The following ZNF638 variants were observed in gnomAD, a reference collection of about 807,000 sequenced individuals.
ZNF638 encodes CTCL tumor antigen se33-1.
ZNF638 carries 46 observed loss-of-function variants against 195.6 expected under a neutral mutation model. That is an observed-to-expected ratio of 0.24 (90% CI 0.19 to 0.30). The LOEUF is 0.30. ZNF638 is among the 10% of genes least tolerant of loss of function. The probability of loss-of-function intolerance (pLI) is 1.00; values close to 1 mark genes in which losing one functional copy is unlikely to be tolerated. For missense variants in ZNF638, 2,440 were observed against 2,325.3 expected (o/e 1.05, Z -1.01); for synonymous variants, 845 against 772.0 (o/e 1.09, Z -1.57).
chr2:71,424,151 C>T (rs1040908670), intron 22 of ZNF638, 113 bp downstream of exon 22: 5 of 1,371,200 alleles, frequency 3.6e-6, no homozygotes, highest in East Asian at 2.5e-5. Context: ...CCTCACTCTA[C>T]CCCGGAAGCT....
rs142672280 is a variant in ZNF638, at chr2:71,354,691, C to G, written c.1318-1028C>G. On this transcript the variant is annotated intron_variant, in intron 2 of 27. Transcript: ENST00000264447. ...GGTGGAGAGTGCAGTGATCCGAGAT[C>G]GCCTCATTGCACTCCAGCCTAGGCA... 2.4e-3 allele frequency among the ~76,000 whole-genome samples: 358 copies of G among 149,592 alleles called. 1 individual carries two copies. The highest frequency in any genetic ancestry group is 8.5e-3 in the African/African-American group (345 of 40,516).
At chr2:71,425,144 A>T (rs1341512321) in intron 23 of ZNF638, among the ~76,000 whole-genome samples, 3 of 152,122 alleles carry the variant, frequency 2.0e-5, no homozygotes. Context: ...TCTAAGATTA[A>T]CTTTACTGGT....
rs775543693 is a variant in ZNF638, at chr2:71,398,716, C to G, written c.2444C>G (p.Ser815Cys). 4 of 1,613,144 alleles carry G rather than the reference C, an allele frequency of 2.5e-6. No individual in the cohort carries two copies. In the African/African-American group the frequency reaches 4.0e-5, roughly 16 times the overall value. Residue 815 changes from serine to cysteine, a missense_variant, in exon 12 of 28, where the codon TCT becomes TGT. Transcript: ENST00000264447. Reference sequence around the variant, plus strand: ...TGTGATTTAGGGAAATCAGCAAGTTCTGTAAAATCTGTGGTAACGGTAGCT... The same window carrying G: ...TGTGATTTAGGGAAATCAGCAAGTTGTGTAAAATCTGTGGTAACGGTAGCT... ...VNKSTGKSAS[S>C]VKSVVTVAVK...
At chr2:71,340,392 C>A (rs746174198) in intron 1 of ZNF638, among the ~76,000 whole-genome samples, 1 of 152,122 alleles carries the variant, frequency 6.6e-6, no homozygotes, top group African/African-American at 2.4e-5. Flanking sequence ...GCTTTATCTG[C>A]GTGGTAGGAG....
At chr2:71,402,206 G>T in intron 16 of ZNF638, 119 bp downstream of exon 16, 1 of 1,055,562 alleles carries the variant, frequency 9.5e-7, no homozygotes, top group East Asian at 2.8e-5. Context: ...AAACTTTCAA[G>T]CTAAGGGATT....
chr2:71,382,272 A>G (rs1427214379), intron 10 of ZNF638, among the ~76,000 whole-genome samples: 2 of 152,198 alleles, frequency 1.3e-5, no homozygotes, highest in South Asian at 2.1e-4. Flanking sequence ...TTAGTCAGCC[A>G]ATCATATGGC....
chr2:71,382,211 T>G (rs766480344), intron 10 of ZNF638, among the ~76,000 whole-genome samples: 6 of 152,154 alleles, frequency 3.9e-5, no homozygotes, highest in African/African-American at 7.2e-5. Context: ...GGTCCTTAGA[T>G]TTCAACATTA....
chr2:71,344,317 T>C (rs2078815699), intron 1 of ZNF638, among the ~76,000 whole-genome samples: 1 of 152,212 alleles, frequency 6.6e-6, no homozygotes, highest in African/African-American at 2.4e-5. Flanking sequence ...CAGTGGATGC[T>C]GAAAATACAG....
intron 1 of ZNF638, among the ~76,000 whole-genome samples, chr2:71,342,384 C>T (rs1226210261): frequency 6.6e-6 from 1 of 151,998 alleles, no homozygotes; most frequent in Non-Finnish European, 1.5e-5. Context: ...TCTACCACCA[C>T]CACCGCCCCT....
Position 71,350,174 on chromosome 2 carries a change from T to G in ZNF638, c.1220T>G (p.Leu407Arg). The G allele has an allele frequency of 6.2e-7, 1 of 1,612,954 alleles. No homozygotes were observed. Among genetic ancestry groups the G allele is most frequent in the Non-Finnish European group, 8.5e-7 (1 of 1,180,032 alleles). The change falls in exon 2 of 28, where the codon CTT (leucine) becomes CGT (arginine). Residue 407 changes from leucine (L) to arginine (R), a missense_variant. Leu to Arg is a moderately radical substitution (Grantham distance 102). Coordinates refer to ENST00000264447, the MANE Select transcript of ZNF638 (RefSeq NM_014497.5). ...GCTGATGCCCAGAAGATGAAGAGAC[T>G]TCCAACTCCTTCTATGATGAATGAT... The part of the protein sequence containing the change: ...SHADAQKMKR[L>R]PTPSMMNDYY...
intron 23 of ZNF638, among the ~76,000 whole-genome samples, chr2:71,425,751 C>CCT (rs1481383219): frequency 6.6e-6 from 1 of 152,066 alleles, no homozygotes; most frequent in East Asian, 1.9e-4. Context: ...CTCACTGCAA[C>CCT]CTCTGCCTCC....
chr2:71,353,828 A>G (rs1251030966), intron 2 of ZNF638, among the ~76,000 whole-genome samples: 1 of 152,238 alleles, frequency 6.6e-6, no homozygotes, highest in African/African-American at 2.4e-5. Context: ...AATCATGCCC[A>G]ACCCACTGCC....
chr2:71,424,030 A>G lies in ZNF638; in HGVS notation c.4516A>G (p.Asn1506Asp), dbSNP rs1034595371. Residue 1506 changes from asparagine (N) to aspartate (D), a missense_variant, in exon 22 of 28, where the codon AAC becomes GAC. By Grantham distance (23) the Asn-to-Asp change is conservative. Transcript: ENST00000264447. ...RPSIMKRDDS[N>D]NKTLAEQNTK... ...TTCCATCATGAAACGGGATGACAGCAACAATAAGGTGAGGAGGGTAGGAAG... is the reference window on the plus strand; with the variant it reads ...TTCCATCATGAAACGGGATGACAGCGACAATAAGGTGAGGAGGGTAGGAAG... 7.4e-6 allele frequency: 12 copies of G among 1,613,220 alleles called. No individual in the cohort carries two copies. Among genetic ancestry groups the G allele is most frequent in the Non-Finnish European group, 1.0e-5 (12 of 1,179,524 alleles).
At chr2:71,354,367 T>G (rs1434716362) in intron 2 of ZNF638, among the ~76,000 whole-genome samples, 1 of 150,842 alleles carries the variant, frequency 6.6e-6, no homozygotes, top group Non-Finnish European at 1.5e-5. Context: ...TAACCAGATG[T>G]ATCTTCCAGA....
intron 26 of ZNF638, among the ~76,000 whole-genome samples, chr2:71,432,472 A>G (rs1383282429): frequency 6.6e-6 from 1 of 152,182 alleles, no homozygotes; most frequent in Non-Finnish European, 1.5e-5. Flanking sequence ...AAGTGCTGGG[A>G]TTATAGGCTT....
intron 3 of ZNF638, 89 bp downstream of exon 3, chr2:71,355,869 A>G (rs1416784169): frequency 1.6e-5 from 10 of 615,198 alleles, no homozygotes; most frequent in Non-Finnish European, 2.6e-5. Context: ...TTAGTATAAT[A>G]CTTTGGAGAA....
At chr2:71,331,982 C>G (rs1385281982) in intron 1 of ZNF638, 107 bp downstream of exon 1, 3 of 955,638 alleles carry the variant, frequency 3.1e-6, no homozygotes, top group Non-Finnish European at 3.7e-6. Context: ...GTATCTGTGT[C>G]GCAGCGGCTC....
intron 25 of ZNF638, 93 bp from the exon 26 acceptor site, chr2:71,431,234 C>T (rs13383758): frequency 0.087 from 96,625 of 1,110,840 alleles, 4,682 homozygotes; most frequent in East Asian, 0.16. Flanking sequence ...GGAGGTTTTC[C>T]CTGAGAAAGA....
At chr2:71,373,820 A>G (rs914452268) in intron 8 of ZNF638, 1 of 151,560 alleles carries the variant, frequency 6.6e-6, no homozygotes, top group Non-Finnish European at 1.5e-5. Context: ...GGAGGTTCTG[A>G]GGACATGTTC....
Sources: gnomAD v4.1 joint callset for allele counts (sites outside exome capture counted in the v4.1 genomes callset) on GRCh38, gnomAD v4.1.1 for gene constraint, MANE v1.5 for transcripts, NCBI Gene and HGNC (gene_info 2026-07-23, HGNC 2026-07-21) for gene names.